The following ANKRD27 variants were observed in gnomAD, a reference collection of about 807,000 sequenced individuals.
ANKRD27 encodes ankyrin repeat domain-containing protein 27.
Under a neutral mutation model 129.7 loss-of-function variants are expected in ANKRD27, and 112 were observed. The observed-to-expected ratio is 0.86, with a 90% CI of 0.74 to 1.01. The LOEUF is 1.01. Among genes scored for constraint, ANKRD27 ranks in the 50% least tolerant of loss-of-function variants. The pLI, the probability that ANKRD27 is intolerant of heterozygous loss-of-function variation, is 0.00. For synonymous variants in ANKRD27, 516 were observed against 511.2 expected (o/e 1.01, Z -0.13); for missense variants, 1,258 against 1,300.5 (o/e 0.97, Z 0.50).
intron 2 of ANKRD27, among the ~76,000 whole-genome samples, chr19:32,657,165 T>C (rs1400322658): frequency 6.6e-6 from 1 of 151,988 alleles, no homozygotes; most frequent in Non-Finnish European, 1.5e-5. Context: ...CTGTCCCTAC[T>C]AAAAATACAA....
At chr19:32,640,443 A>C in intron 10 of ANKRD27, 58 bp from the exon 11 acceptor site, 1 of 1,432,208 alleles carries the variant, frequency 7.0e-7, no homozygotes. Context: ...ACTGACAAGC[A>C]TATCAACTCC....
intron 1 of ANKRD27, among the ~76,000 whole-genome samples, chr19:32,667,536 C>A (rs541846800): frequency 6.6e-6 from 1 of 152,164 alleles, no homozygotes; most frequent in East Asian, 1.9e-4. Flanking sequence ...TCACTTCCAA[C>A]GAAGAGAAGA....
chr19:32,646,662 A>G (rs893093799), intron 3 of ANKRD27, 47 bp from the exon 4 acceptor site: 1 of 1,591,726 alleles, frequency 6.3e-7, no homozygotes, highest in African/African-American at 1.3e-5. Context: ...GGGCAACCAC[A>G]TCCCACTCTC....
rs1464856226 is a variant in ANKRD27 at position 32,607,690 on chromosome 19, CTGGCACCTGCGT to C, written c.2306_2317del (p.Asn769_Ala772del). 3.7e-6 allele frequency: 6 copies of C among 1,612,766 alleles called. No homozygotes were observed. Among genetic ancestry groups the C allele is most frequent in the Non-Finnish European group, 5.1e-6 (6 of 1,179,690 alleles). Reference sequence around the variant, plus strand: ...GAGCGGGACGGCTTGGTCTGCGTTCCTGGCACCTGCGTTGGCCCCGTGCTTCAGCAGGAGGGG... The same window carrying C: ...GAGCGGGACGGCTTGGTCTGCGTTCCTGGCCCCGTGCTTCAGCAGGAGGGG... On this transcript the variant is annotated inframe_deletion, in exon 23 of 29. Transcript: ENST00000306065.
Position 32,599,716 on chromosome 19 carries a change from A to C in ANKRD27, c.2907T>G (p.Gly969=), listed in dbSNP as rs745603978. ...RDRSVPNLTE[G]SLHEPGRQSV... is the part of the protein sequence containing the mutation. ...TTTAATAACTTACCTCATGCAAAGAACCTTCGGTTAAATTAGGGACACTTC... is the reference window on the plus strand; with the variant it reads ...TTTAATAACTTACCTCATGCAAAGACCCTTCGGTTAAATTAGGGACACTTC... The change falls in exon 28 of 29, where the codon GGT becomes GGG. Residue 969 remains glycine (G), a synonymous_variant. Transcript: ENST00000306065. 10 of 1,613,206 alleles carry C rather than the reference A, an allele frequency of 6.2e-6. No homozygotes were observed. In the South Asian group the frequency reaches 9.9e-5, roughly 16 times the overall value.
At chr19:32,650,253 A>G (rs916859929) in intron 2 of ANKRD27, among the ~76,000 whole-genome samples, 1 of 152,186 alleles carries the variant, frequency 6.6e-6, no homozygotes, top group Non-Finnish European at 1.5e-5. Context: ...TTCTCCCACC[A>G]TTCAAAAAAG....
intron 10 of ANKRD27, among the ~76,000 whole-genome samples, chr19:32,641,312 G>T (rs2145299155): frequency 6.6e-6 from 1 of 152,102 alleles, no homozygotes; most frequent in Admixed American, 6.6e-5. Flanking sequence ...GATAAAAAAT[G>T]AAGATGAGCC....
At chr19:32,650,408 C>T (rs1031120189) in intron 2 of ANKRD27, among the ~76,000 whole-genome samples, 15 of 152,180 alleles carry the variant, frequency 9.9e-5, no homozygotes, top group East Asian at 1.9e-4. Context: ...AAAAATTAGC[C>T]GGGGGTGGTG....
At position 32,619,535 on chromosome 19, in the gene ANKRD27, C is replaced by A. The variant is rs771456514; in HGVS notation, c.1846G>T (p.Ala616Ser). The change falls in exon 19 of 29, where the codon GCC becomes TCC. Residue 616 changes from alanine to serine, a missense_variant. Coordinates refer to ENST00000306065, the MANE Select transcript of ANKRD27 (RefSeq NM_032139.3). The part of the protein sequence containing the change: ...LNSKILSVME[A>S]YHLSFERRQK... The stretch of plus-strand genomic sequence containing the variant: ...CTCCTCTCGAAGGACAGGTGATAGG[C>A]TTCCATTACAGACAGAATCTAGGGG... The A allele has an allele frequency of 1.7e-5, 27 of 1,614,014 alleles. 1 individual carries two copies. The Admixed American group carries it at 4.5e-4, about 27-fold the overall frequency.
rs895231647 is a variant in ANKRD27 at position 32,668,970 on chromosome 19, C to CCATT, written c.-31+6097_-31+6100dup. Among the ~76,000 whole-genome samples, 114 of 151,996 alleles carry CCATT rather than the reference C, an allele frequency of 7.5e-4. 2 individuals carry two copies. Among genetic ancestry groups the CCATT allele is most frequent in the Admixed American group, 9.2e-4 (14 of 15,242 alleles). On this transcript the variant is annotated intron_variant, in intron 1 of 28. Coordinates refer to ENST00000306065, the MANE Select transcript of ANKRD27 (RefSeq NM_032139.3). ...TGGCTGACTCAAGGATAAATAAGAG[C>CCATT]CATTCATTCATTCATTCATTTAGTA...
chr19:32,657,931 C>T (rs62124330), intron 2 of ANKRD27, among the ~76,000 whole-genome samples: 5 of 151,998 alleles, frequency 3.3e-5, no homozygotes, highest in East Asian at 1.9e-4. Context: ...GCTGAGATCA[C>T]GCCACCACAC....
chr19:32,628,044 G>A, intron 15 of ANKRD27, 39 bp downstream of exon 15: 1 of 1,590,260 alleles, frequency 6.3e-7, no homozygotes, highest in Non-Finnish European at 8.6e-7. Flanking sequence ...CCATCCCTTT[G>A]CTGTGACAGC....
At position 32,598,294 on chromosome 19, in the gene ANKRD27, AGTCGCTGTT is replaced by A; in HGVS notation, c.2995_3003del (p.Asn999_Asp1001del). On this transcript the variant is annotated inframe_deletion, in exon 29 of 29. Transcript: ENST00000306065. ...TGTGTCAGTCCAGGCCTCTCTGGCCAGTCGCTGTTGCCTTTCTCAGCAGCATGAGATCCA... is the reference window on the plus strand; with the variant it reads ...TGTGTCAGTCCAGGCCTCTCTGGCCAGCCTTTCTCAGCAGCATGAGATCCA... The A allele has an allele frequency of 6.2e-7, 1 of 1,614,178 alleles. No individual in the cohort carries two copies. The highest frequency in any genetic ancestry group is 1.1e-5 in the South Asian group (1 of 91,084).
chr19:32,643,551 C>G, intron 6 of ANKRD27, 21 bp downstream of exon 6: 2 of 1,613,964 alleles, frequency 1.2e-6, no homozygotes, highest in African/African-American at 1.3e-5. Flanking sequence ...AATTCTCCCT[C>G]TCAGAAGTCC....
intron 12 of ANKRD27, chr19:32,639,048 G>A (rs1967144066): frequency 2.2e-6 from 1 of 452,114 alleles, no homozygotes. Flanking sequence ...GACTATCAAG[G>A]TCAAGAAATC....
intron 1 of ANKRD27, chr19:32,673,594 C>A: frequency 5.7e-6 from 2 of 351,636 alleles, no homozygotes; most frequent in South Asian, 1.1e-4. Flanking sequence ...AGAGTATTTT[C>A]CCTCTTTCCA....
chr19:32,662,171 G>A (rs533336628), intron 1 of ANKRD27, among the ~76,000 whole-genome samples: 1 of 152,052 alleles, frequency 6.6e-6, no homozygotes, highest in Admixed American at 6.6e-5. Flanking sequence ...AATTAGTGGG[G>A]TGTGGTGGCA....
chr19:32,626,726 A>G lies in ANKRD27; in HGVS notation c.1522T>C (p.Tyr508His), dbSNP rs760237887. Residue 508 changes from tyrosine to histidine, a missense_variant, in exon 16 of 29, where the codon TAC becomes CAC. Coordinates refer to ENST00000306065, the MANE Select transcript of ANKRD27 (RefSeq NM_032139.3). The part of the protein sequence containing the change: ...TPLHLACQKG[Y>H]QSVTLLLLHY... ...CCACTGCTCACCGTCACGCTCTGGT[A>G]GCCCTTCTGACAGGCCAGGTGGAGC... The G allele has an allele frequency of 1.9e-6, 3 of 1,608,920 alleles. No homozygotes were observed. Among genetic ancestry groups the G allele is most frequent in the Non-Finnish European group, 2.5e-6 (3 of 1,177,730 alleles).
At chr19:32,631,608 C>G in intron 12 of ANKRD27, 114 bp from the exon 13 acceptor site, 1 of 806,662 alleles carries the variant, frequency 1.2e-6, no homozygotes, top group Non-Finnish European at 2.1e-6. Flanking sequence ...GCGCCTCTCT[C>G]CCGTCTCATA....
Sources: gnomAD v4.1 joint callset for allele counts (sites outside exome capture counted in the v4.1 genomes callset) on GRCh38, gnomAD v4.1.1 for gene constraint, MANE v1.5 for transcripts, NCBI Gene and HGNC (gene_info 2026-07-23, HGNC 2026-07-21) for gene names.